Variants in RBFOX1 observed in about 807,000 individuals in gnomAD.
RBFOX1 encodes the protein RNA binding protein fox-1 homolog 1.
In RBFOX1, 8 loss-of-function variants were observed where a neutral mutation model predicts 57.7. The observed-to-expected ratio is 0.14, with a 90% CI of 0.08 to 0.25. The LOEUF is 0.25. Among genes scored for constraint, RBFOX1 ranks in the 10% least tolerant of loss-of-function variants. The pLI is 1.00. For missense variants in RBFOX1, 611 were observed against 548.5 expected (o/e 1.11, Z -1.14); for synonymous variants, 326 against 222.4 (o/e 1.47, Z -4.15).
chr16:5,496,676 G>A (rs972190730), intron 2 of RBFOX1, among the ~76,000 whole-genome samples: 7 of 152,142 alleles, frequency 4.6e-5, no homozygotes, highest in Admixed American at 1.3e-4. Context: ...ACGTGTTTGG[G>A]ATGGGATGGG....
chr16:7,673,230 T>A (rs2072158593), intron 13 of RBFOX1, among the ~76,000 whole-genome samples: 2 of 152,166 alleles, frequency 1.3e-5, no homozygotes, highest in Admixed American at 6.5e-5. Flanking sequence ...AAGTGAAAAC[T>A]TTGATTTAAG....
At chr16:5,768,586 G>T in intron 3 of RBFOX1, among the ~76,000 whole-genome samples, 1 of 152,154 alleles carries the variant, frequency 6.6e-6, no homozygotes. Context: ...AAGCTACCAG[G>T]TGGTAGCATT....
chr16:6,504,435 A>C (rs944673247), intron 2 of RBFOX1, among the ~76,000 whole-genome samples: 3 of 152,174 alleles, frequency 2.0e-5, no homozygotes, highest in African/African-American at 7.2e-5. Flanking sequence ...CCATTGGTTT[A>C]TGGATGCACA....
rs1219207556 is a variant in RBFOX1 at position 6,478,417 on chromosome 16, ATATATATATATATTTTTTTTTTTTTT to A, written c.-64+161362_-64+161387del. On this transcript the variant is annotated intron_variant, in intron 2 of 15. Coordinates refer to ENST00000550418, the MANE Select transcript of RBFOX1 (RefSeq NM_018723.4). ...TATATATATATATATATATATATATATATATATATATATTTTTTTTTTTTTTTTTTGTATTTTTAGTAGAGACAGGG... is the reference window on the plus strand; with the variant it reads ...TATATATATATATATATATATATATATTTTGTATTTTTAGTAGAGACAGGG... Among the ~76,000 whole-genome samples, 4 of 16,458 alleles carry A rather than the reference ATATATATATATATTTTTTTTTTTTTT, an allele frequency of 2.4e-4. 1 individual carries two copies. Among genetic ancestry groups the A allele is most frequent in the Admixed American group, 1.1e-3 (1 of 926 alleles). The allele number at this position is 16,458 out of a possible 152,430, so 10.8% of individuals were successfully genotyped here.
At chr16:7,245,293 A>G (rs999117309) in intron 4 of RBFOX1, among the ~76,000 whole-genome samples, 4 of 152,162 alleles carry the variant, frequency 2.6e-5, no homozygotes, top group Admixed American at 2.0e-4. Context: ...TTATTTCATT[A>G]TCTTTTGTTT....
intron 3 of RBFOX1, among the ~76,000 whole-genome samples, chr16:5,665,421 A>T (rs1170307390): frequency 8.4e-6 from 1 of 119,464 alleles, no homozygotes; most frequent in East Asian, 3.3e-4. Context: ...GTTCTCCCTT[A>T]TACCCCTTGT....
intron 4 of RBFOX1, among the ~76,000 whole-genome samples, chr16:7,160,895 C>G (rs1048187784): frequency 6.6e-6 from 1 of 151,410 alleles, no homozygotes; most frequent in Admixed American, 6.6e-5. Context: ...CTTTCCAATT[C>G]AACTCTAACT....
intron 1 of RBFOX1, among the ~76,000 whole-genome samples, chr16:6,135,855 C>T (rs1460814328): frequency 4.5e-5 from 6 of 134,802 alleles, no homozygotes; most frequent in African/African-American, 1.7e-4. Context: ...AGTGCAGTGG[C>T]ACGATCTCAG....
intron 4 of RBFOX1, among the ~76,000 whole-genome samples, chr16:7,321,184 G>T (rs1336643057): frequency 6.6e-6 from 1 of 150,902 alleles, no homozygotes. Context: ...TTGCTCTGCT[G>T]CCCAGGCTGG....
intron 1 of RBFOX1, among the ~76,000 whole-genome samples, chr16:6,020,400 G>A (rs899106174): frequency 2.6e-5 from 4 of 152,146 alleles, no homozygotes; most frequent in African/African-American, 9.7e-5. Flanking sequence ...GCCTCCGCCC[G>A]CAGGGTGTGC....
At chr16:5,786,753 A>G (rs1255715182) in intron 3 of RBFOX1, among the ~76,000 whole-genome samples, 1 of 152,168 alleles carries the variant, frequency 6.6e-6, no homozygotes, top group African/African-American at 2.4e-5. Flanking sequence ...GACTGGCTTC[A>G]TGTCAGACTC....
chr16:6,525,362 C>A (rs548190772), intron 2 of RBFOX1, among the ~76,000 whole-genome samples: 5 of 152,134 alleles, frequency 3.3e-5, no homozygotes, highest in Non-Finnish European at 2.9e-5. Flanking sequence ...GTTGAGTACA[C>A]TTCTCCTGAG....
In RBFOX1 at chr16:6,492,483, C is replaced by T. The variant is rs182892776; in HGVS notation, c.-63-162120C>T. ...ATTCAGGAGGCTGAGGCAGGAGAAT[C>T]GCTTGAACCCGGGAGGTGGAGGTTG... On this transcript the variant is annotated intron_variant, in intron 2 of 15. Transcript: ENST00000550418. Among the ~76,000 whole-genome samples the T allele has an allele frequency of 5.9e-3, 900 of 152,240 alleles. 3 individuals are homozygous for T. Among genetic ancestry groups the T allele is most frequent in the Middle Eastern group, 0.048 (14 of 294 alleles).
chr16:6,982,315 A>C (rs978987357), intron 3 of RBFOX1, among the ~76,000 whole-genome samples: 1 of 152,188 alleles, frequency 6.6e-6, no homozygotes, highest in Non-Finnish European at 1.5e-5. Context: ...TGATCTTTAC[A>C]GAAACCCATT....
At chr16:5,600,067 A>C (rs1003474232) in exon 3 of RBFOX1, 1 of 151,520 alleles carries the variant, frequency 6.6e-6, no homozygotes, top group Admixed American at 6.6e-5. Flanking sequence ...AGGTGGGCTG[A>C]TCAAGAGGTC....
chr16:7,117,582 A>C (rs1409038066), intron 4 of RBFOX1, among the ~76,000 whole-genome samples: 1 of 152,222 alleles, frequency 6.6e-6, no homozygotes, highest in Non-Finnish European at 1.5e-5. Context: ...TCATCTGAAA[A>C]ATGGGAATAA....
At chr16:7,385,128 G>A (rs544966118) in intron 4 of RBFOX1, among the ~76,000 whole-genome samples, 1 of 152,224 alleles carries the variant, frequency 6.6e-6, no homozygotes, top group Non-Finnish European at 1.5e-5. Flanking sequence ...TGAGAATTGG[G>A]CAAAGGCCAG....
At chr16:7,646,665 A>G (rs1321966783) in intron 11 of RBFOX1, among the ~76,000 whole-genome samples, 1 of 152,224 alleles carries the variant, frequency 6.6e-6, no homozygotes, top group Admixed American at 6.5e-5. Flanking sequence ...AAGCGGTTGT[A>G]TATTTTTATG....
chr16:6,637,950 G>A (rs1413225307), intron 2 of RBFOX1, among the ~76,000 whole-genome samples: 6 of 152,076 alleles, frequency 3.9e-5, no homozygotes, highest in Admixed American at 3.9e-4. Context: ...CTGTGCTTCA[G>A]TATATTAGCC....
Sources: allele counts gnomAD v4.1 joint callset (sites outside exome capture counted in the v4.1 genomes callset), GRCh38; gene constraint gnomAD v4.1.1; transcripts MANE v1.5; gene names NCBI Gene and HGNC (gene_info 2026-07-23, HGNC 2026-07-21).